Variants in OOSP1 observed in about 807,000 individuals in gnomAD.
OOSP1 encodes oocyte secreted protein 1.
In OOSP1, 11 loss-of-function variants were observed where a neutral mutation model predicts 5.7. The observed-to-expected ratio is 1.94, with a 90% CI of 1.22 to 3.20. The LOEUF (loss-of-function observed/expected upper bound fraction) is 3.20, where lower values mean the gene tolerates loss of function less well. Ranked by LOEUF, OOSP1 falls within the 30% of genes most tolerant of loss-of-function variation. The pLI is 0.00. For synonymous variants in OOSP1, 44 were observed against 20.0 expected, an observed-to-expected ratio of 2.20 and a Z score of -3.20; for missense variants, 83 against 54.1, an observed-to-expected ratio of 1.53 and a Z score of -1.67.
chr11:59,945,293 C>T (rs1204846015), intron 3 of OOSP1, 27 bp downstream of exon 3: 1 of 702,940 alleles, frequency 1.4e-6, no homozygotes, highest in Admixed American at 2.0e-5. Flanking sequence ...AAACCCCTGT[C>T]CTAGCCCCTG....
intron 1 of OOSP1, among the ~76,000 whole-genome samples, chr11:59,939,351 A>G (rs1853801577): frequency 6.6e-6 from 1 of 151,124 alleles, no homozygotes; most frequent in African/African-American, 2.4e-5. Flanking sequence ...TCCCGGGTTC[A>G]TGTGATTCTT....
intron 2 of OOSP1, 97 bp from the exon 3 acceptor site, chr11:59,945,071 GA>G (rs1853867215): frequency 1.5e-6 from 1 of 655,334 alleles, no homozygotes; most frequent in East Asian, 2.7e-5. Flanking sequence ...ACCATTTTTA[GA>G]AAGCTTGATG....
At chr11:59,955,807 A>G (rs1853989381) in intron 4 of OOSP1, among the ~76,000 whole-genome samples, 3 of 151,954 alleles carry the variant, frequency 2.0e-5, no homozygotes. Context: ...TAATCTTTGT[A>G]TTTTTTGTAG....
At chr11:59,951,559 T>C (rs1853939969) in intron 4 of OOSP1, among the ~76,000 whole-genome samples, 1 of 152,096 alleles carries the variant, frequency 6.6e-6, no homozygotes, top group South Asian at 2.1e-4. Flanking sequence ...TCATGAAGGC[T>C]CTCTTGGAGT....
chr11:59,944,823 T>C (rs1272146149), intron 2 of OOSP1, among the ~76,000 whole-genome samples: 3 of 152,232 alleles, frequency 2.0e-5, no homozygotes, highest in Non-Finnish European at 4.4e-5. Context: ...GTGATTCATA[T>C]GATCTCAAAG....
intron 4 of OOSP1, among the ~76,000 whole-genome samples, chr11:59,955,962 T>G (rs993617415): frequency 2.0e-5 from 3 of 152,152 alleles, no homozygotes; most frequent in Admixed American, 2.0e-4. Context: ...TTTATTTTCA[T>G]TTATTCCATT....
chr11:59,946,645 A>T (rs1853886542), intron 3 of OOSP1, among the ~76,000 whole-genome samples: 1 of 152,168 alleles, frequency 6.6e-6, no homozygotes, highest in African/African-American at 2.4e-5. Context: ...AACCAAATCA[A>T]GTTATTTCAG....
At chr11:59,944,473 A>G (rs1853862657) in intron 2 of OOSP1, among the ~76,000 whole-genome samples, 1 of 152,180 alleles carries the variant, frequency 6.6e-6, no homozygotes, top group Admixed American at 6.5e-5. Context: ...AGCAGGATAT[A>G]TCTGAGACGG....
chr11:59,943,155 T>A (rs1476984691), intron 2 of OOSP1, 127 bp downstream of exon 2: 7 of 297,476 alleles, frequency 2.4e-5, no homozygotes, highest in African/African-American at 4.8e-5. Context: ...TGGTTTTTTG[T>A]CCTTGCGATA....
intron 4 of OOSP1, among the ~76,000 whole-genome samples, chr11:59,952,301 A>C (rs1370730508): frequency 6.6e-6 from 1 of 152,164 alleles, no homozygotes; most frequent in Admixed American, 6.6e-5. Context: ...TATCTACCCA[A>C]AGGAAAATAA....
chr11:59,947,931 A>G (rs1448986770), intron 4 of OOSP1, 69 bp downstream of exon 4: 6 of 397,374 alleles, frequency 1.5e-5, no homozygotes, highest in East Asian at 3.6e-5. Flanking sequence ...AGTCAATACA[A>G]TTGTCAAGGA....
intron 4 of OOSP1, among the ~76,000 whole-genome samples, chr11:59,951,915 T>G (rs1853944598): frequency 6.6e-6 from 1 of 151,834 alleles, no homozygotes; most frequent in Non-Finnish European, 1.5e-5. Context: ...GCCTGATTAG[T>G]TCCAAAGGAT....
chr11:59,947,042 T>G (rs1356727796), intron 3 of OOSP1, among the ~76,000 whole-genome samples: 1 of 152,094 alleles, frequency 6.6e-6, no homozygotes, highest in Non-Finnish European at 1.5e-5. Flanking sequence ...TGATTAGGTC[T>G]TAGCAAAAGT....
At chr11:59,950,128 A>G (rs927372797) in intron 4 of OOSP1, among the ~76,000 whole-genome samples, 2 of 152,210 alleles carry the variant, frequency 1.3e-5, no homozygotes, top group African/African-American at 4.8e-5. Flanking sequence ...ACAGCTAGAT[A>G]TGAAATATGT....
chr11:59,942,813 C>T (rs950783430), intron 1 of OOSP1, 34 bp from the exon 2 acceptor site: 10 of 691,234 alleles, frequency 1.4e-5, no homozygotes, highest in African/African-American at 3.5e-5. Flanking sequence ...TATGTAATTG[C>T]ATACTAACAA....
chr11:59,949,504 A>T (rs535988928), intron 4 of OOSP1, among the ~76,000 whole-genome samples: 33 of 146,416 alleles, frequency 2.3e-4, no homozygotes, highest in East Asian at 3.9e-4. Flanking sequence ...TAATAAAATT[A>T]AAAAAAAAAG....
rs763151895 is a variant in OOSP1, at chr11:59,957,258, C to T, written c.550C>T (p.Arg184Ter). Residue 184 changes from arginine (R) to a stop codon, truncating the protein, a stop_gained, in exon 5 of 5, where the codon CGA becomes TGA. Coordinates refer to ENST00000646685, the Ensembl canonical transcript of OOSP1. LOFTEE classifies it high-confidence loss of function. ...ATTTATCTCAAGAACATTACCAAGG[C>T]GATGACTCATGCATATTTCATGTGC... 7.5e-5 allele frequency: 30 copies of T among 397,806 alleles called. No individual in the cohort carries two copies. Among genetic ancestry groups the T allele is most frequent in the African/African-American group, 1.2e-4 (6 of 48,564 alleles). 24.6% of individuals were successfully genotyped at this position (397,806 alleles called of 1,614,324 possible).
chr11:59,945,038 A>G (rs770253216), intron 2 of OOSP1, 131 bp from the exon 3 acceptor site: 8 of 624,980 alleles, frequency 1.3e-5, no homozygotes, highest in Non-Finnish European at 2.0e-5. Context: ...AACAGATGCT[A>G]TTTATAGTTG....
chr11:59,944,085 C>G (rs918557750), intron 2 of OOSP1, among the ~76,000 whole-genome samples: 1 of 152,164 alleles, frequency 6.6e-6, no homozygotes, highest in Non-Finnish European at 1.5e-5. Flanking sequence ...GGCTTAGAGA[C>G]AGCTTTGGCT....
Sources: gnomAD v4.1 joint callset for allele counts (sites outside exome capture counted in the v4.1 genomes callset) on GRCh38, gnomAD v4.1.1 for gene constraint, MANE v1.5 for transcripts, NCBI Gene and HGNC (gene_info 2026-07-23, HGNC 2026-07-21) for gene names.